The following STX3 variants were observed in gnomAD, a reference collection of about 807,000 sequenced individuals.
The protein encoded by STX3 is syntaxin-3.
Under a neutral mutation model 40.2 loss-of-function variants are expected in STX3, and 19 were observed. The ratio of observed to expected loss-of-function variants is 0.47; its 90% confidence interval spans 0.33 to 0.69. STX3 has a LOEUF of 0.69. STX3 is among the 30% of genes least tolerant of loss of function. STX3 has a pLI of 0.02. For missense variants in STX3, 364 were observed against 366.7 expected (o/e 0.99, Z 0.06); for synonymous variants, 122 against 132.2 (o/e 0.92, Z 0.53).
Position 59,797,373 on chromosome 11 carries a change from C to G in STX3, c.*7C>G, listed in dbSNP as rs768668731. The G allele has an allele frequency of 6.2e-7, 1 of 1,613,968 alleles. No individual in the cohort carries two copies. On this transcript the variant is annotated 3_prime_UTR_variant, in exon 10 of 11. Transcript: ENST00000337979. ...TTCCGTTGGGCTGAATTAAGAGTGG[C>G]CTAAGAGGCTGCTGCACTGAAATGT...
intron 1 of STX3, among the ~76,000 whole-genome samples, chr11:59,764,290 A>G (rs7947514): frequency 0.1 from 15,807 of 152,218 alleles, 1,153 homozygotes; most frequent in African/African-American, 0.2. Context: ...GCTTTAGATA[A>G]CATGATCTTG....
chr11:59,764,883 CTATTATTATTATTATTAT>C (rs71454394), intron 1 of STX3, among the ~76,000 whole-genome samples: 1 of 145,152 alleles, frequency 6.9e-6, no homozygotes, highest in African/African-American at 2.5e-5. Context: ...CACACATTAT[CTATTATTATTATTATTAT>C]TATTATTATT....
chr11:59,784,554 G>A (rs952961781), intron 2 of STX3, among the ~76,000 whole-genome samples: 8 of 152,194 alleles, frequency 5.3e-5, no homozygotes, highest in Admixed American at 1.3e-4. Context: ...AAAGAAAGAG[G>A]TTTAATGGAC....
At chr11:59,780,329 G>A (rs1207192241) in intron 2 of STX3, among the ~76,000 whole-genome samples, 1 of 152,188 alleles carries the variant, frequency 6.6e-6, no homozygotes, top group Non-Finnish European at 1.5e-5. Context: ...TCTCAGCCAT[G>A]TGAAGATACT....
intron 1 of STX3, among the ~76,000 whole-genome samples, chr11:59,760,667 C>A (rs552735551): frequency 6.2e-4 from 94 of 152,222 alleles, no homozygotes; most frequent in African/African-American, 1.6e-3. Flanking sequence ...CTCAACCCTG[C>A]AAAGCAAAGT....
intron 1 of STX3, among the ~76,000 whole-genome samples, chr11:59,762,296 G>A (rs767123225): frequency 4.6e-5 from 7 of 152,222 alleles, no homozygotes; most frequent in South Asian, 2.1e-4. Flanking sequence ...ACAAAGTCCC[G>A]GCAGCCAGCT....
chr11:59,757,487 T>G (rs373768260), intron 1 of STX3, among the ~76,000 whole-genome samples: 8 of 152,188 alleles, frequency 5.3e-5, no homozygotes, highest in Non-Finnish European at 1.0e-4. Context: ...TTAATTTGCC[T>G]GGGGACGCTG....
At position 59,757,520 on chromosome 11, in the gene STX3, C is replaced by T. The variant is rs138327162; in HGVS notation, c.30+1885C>T. Among the ~76,000 whole-genome samples the T allele has an allele frequency of 5.5e-3, 841 of 152,310 alleles. 8 individuals carry two copies. Among genetic ancestry groups the T allele is most frequent in the Non-Finnish European group, 8.6e-3 (588 of 68,030 alleles). ...CTGAGCAAGTCTCTTTGCCTCTCCT[C>T]GGTGCCTCATGGTTACCCTCTGTAC... On this transcript the variant is annotated intron_variant, in intron 1 of 10. Transcript: ENST00000337979.
At chr11:59,786,385 G>C (rs1377737196) in intron 2 of STX3, among the ~76,000 whole-genome samples, 1 of 148,606 alleles carries the variant, frequency 6.7e-6, no homozygotes, top group Admixed American at 6.7e-5. Context: ...TACTACAGGC[G>C]CCCACCATCA....
At chr11:59,788,370 A>G (rs143879000) in intron 3 of STX3, among the ~76,000 whole-genome samples, 3 of 152,348 alleles carry the variant, frequency 2.0e-5, no homozygotes, top group Admixed American at 2.0e-4. Flanking sequence ...AAGTTGTAGT[A>G]GGGGCTGAAG....
intron 1 of STX3, among the ~76,000 whole-genome samples, chr11:59,766,953 T>C (rs1421326946): frequency 6.6e-6 from 1 of 152,218 alleles, no homozygotes; most frequent in Non-Finnish European, 1.5e-5. Context: ...CTAGGGGCTC[T>C]ATGGGGTTGC....
Position 59,755,403 on chromosome 11 carries a change from G to GGCGGAGGGGGCTGC in STX3, c.-198_-185dup. ...ATTTGGAGCGCGAGGCGCCGGTGGG[G>GGCGGAGGGGGCTGC]GCGGAGGGGGCTGCGCGGCGGAGGC... On this transcript the variant is annotated 5_prime_UTR_variant, in exon 1 of 11. Coordinates refer to ENST00000337979, the MANE Select transcript of STX3 (RefSeq NM_004177.5). The GGCGGAGGGGGCTGC allele has an allele frequency of 2.4e-6, 1 of 421,748 alleles. No individual in the cohort carries two copies. Among genetic ancestry groups the GGCGGAGGGGGCTGC allele is most frequent in the Non-Finnish European group, 3.9e-6 (1 of 255,578 alleles). The allele number at this position is 421,748 out of a possible 1,614,324, so 26.1% of individuals were successfully genotyped here.
At chr11:59,760,203 G>A (rs752736184) in intron 1 of STX3, among the ~76,000 whole-genome samples, 2 of 152,206 alleles carry the variant, frequency 1.3e-5, no homozygotes, top group African/African-American at 2.4e-5. Context: ...GGGAAGTCGG[G>A]GGAATTGGCA....
At chr11:59,760,324 A>G (rs1251827625) in intron 1 of STX3, among the ~76,000 whole-genome samples, 1 of 151,928 alleles carries the variant, frequency 6.6e-6, no homozygotes, top group East Asian at 1.9e-4. Context: ...TTTTATAGGT[A>G]GTAGTGTTCT....
At chr11:59,800,813 C>T in intron 10 of STX3, 42 bp from the exon 11 acceptor site, 4 of 1,536,186 alleles carry the variant, frequency 2.6e-6, no homozygotes, top group South Asian at 2.4e-5. Flanking sequence ...CCTTTGCCTT[C>T]TTCCTGTGTA....
At position 59,792,669 on chromosome 11, in the gene STX3, G is replaced by A. The variant is rs141918314; in HGVS notation, c.467-430G>A. 2.6e-5 allele frequency among the ~76,000 whole-genome samples: 4 copies of A among 152,286 alleles called. No homozygotes were observed. The East Asian group carries it at 7.7e-4, about 29-fold the overall frequency. ...GGCAGGGCCCCGTGGAGTGGAAGGT[G>A]CTTTGGATGAGAGGAATGGTATGAA... On this transcript the variant is annotated intron_variant, in intron 6 of 10. Transcript: ENST00000337979.
intron 1 of STX3, among the ~76,000 whole-genome samples, chr11:59,771,017 C>T (rs1199146005): frequency 6.6e-6 from 1 of 152,114 alleles, no homozygotes; most frequent in Non-Finnish European, 1.5e-5. Context: ...TTTCACAATT[C>T]AGATTCCTCA....
chr11:59,795,280 C>A (rs1055519644), intron 8 of STX3, 92 bp from the exon 9 acceptor site: 10 of 1,072,618 alleles, frequency 9.3e-6, no homozygotes, highest in Non-Finnish European at 1.2e-5. Flanking sequence ...CTTCTTGCCA[C>A]TGAAGATTGT....
chr11:59,756,425 A>G (rs1862721894), intron 1 of STX3, among the ~76,000 whole-genome samples: 1 of 152,230 alleles, frequency 6.6e-6, no homozygotes, highest in South Asian at 2.1e-4. Flanking sequence ...CATTCAGTAC[A>G]TAATTATTGA....
Sources: allele counts gnomAD v4.1 joint callset (sites outside exome capture counted in the v4.1 genomes callset), GRCh38; gene constraint gnomAD v4.1.1; transcripts MANE v1.5; gene names NCBI Gene and HGNC (gene_info 2026-07-23, HGNC 2026-07-21).